DOCK3: variants seen among roughly 807,000 people sequenced by gnomAD.
The protein encoded by DOCK3 is dedicator of cytokinesis protein 3.
Under a neutral mutation model 265.6 loss-of-function variants are expected in DOCK3, and 60 were observed. The observed-to-expected ratio is 0.23, with a 90% CI of 0.18 to 0.28. The LOEUF (loss-of-function observed/expected upper bound fraction) is 0.28. Among genes scored for constraint, DOCK3 ranks in the 10% least tolerant of loss-of-function variants. The pLI is 1.00. For missense variants in DOCK3, 1,981 were observed against 2,594.3 expected, an observed-to-expected ratio of 0.76 and a Z score of 5.14; for synonymous variants, 881 against 938.0, an observed-to-expected ratio of 0.94 and a Z score of 1.11.
chr3:50,741,875 G>C (rs1392831908), intron 1 of DOCK3, among the ~76,000 whole-genome samples: 3 of 152,186 alleles, frequency 2.0e-5, no homozygotes, highest in Non-Finnish European at 4.4e-5. Flanking sequence ...GGTTGAACTA[G>C]TTTACAGTCC....
At chr3:51,195,572 G>A (rs567934425) in intron 12 of DOCK3, among the ~76,000 whole-genome samples, 2 of 151,962 alleles carry the variant, frequency 1.3e-5, no homozygotes, top group Admixed American at 6.5e-5. Flanking sequence ...GTGCCATCAC[G>A]CTCAGCTAAT....
At chr3:51,329,165 G>A (rs1000029817) in intron 32 of DOCK3, among the ~76,000 whole-genome samples, 2 of 151,974 alleles carry the variant, frequency 1.3e-5, no homozygotes, top group African/African-American at 4.8e-5. Context: ...AATAAATAAA[G>A]GTTAATAAAA....
chr3:51,333,367 T>G (rs919667623), intron 35 of DOCK3, 114 bp downstream of exon 35: 1 of 1,029,654 alleles, frequency 9.7e-7, no homozygotes, highest in Non-Finnish European at 1.5e-6. Flanking sequence ...AGGACTGTTG[T>G]GATATTGGGT....
intron 2 of DOCK3, among the ~76,000 whole-genome samples, chr3:50,836,228 T>TG (rs1223200326): frequency 6.6e-6 from 1 of 152,220 alleles, no homozygotes; most frequent in Non-Finnish European, 1.5e-5. Flanking sequence ...GGACTCCATG[T>TG]GGGGGCTCTT....
chr3:50,878,799 G>A (rs1456842145), intron 3 of DOCK3, among the ~76,000 whole-genome samples: 1 of 152,116 alleles, frequency 6.6e-6, no homozygotes, highest in Non-Finnish European at 1.5e-5. Context: ...TACTCCTCGA[G>A]AAGAGCAACT....
intron 12 of DOCK3, among the ~76,000 whole-genome samples, chr3:51,204,078 G>A (rs1328726396): frequency 4.1e-5 from 6 of 147,004 alleles, no homozygotes; most frequent in Non-Finnish European, 6.0e-5. Flanking sequence ...GAAAACCTAG[G>A]CATTACCATT....
chr3:50,783,775 T>C (rs991852459), intron 2 of DOCK3, among the ~76,000 whole-genome samples: 1 of 152,154 alleles, frequency 6.6e-6, no homozygotes, highest in Admixed American at 6.5e-5. Flanking sequence ...AGTCTTTCCC[T>C]AAGCCAGTGT....
chr3:51,233,354 C>CTATT (rs1219559169), intron 19 of DOCK3, among the ~76,000 whole-genome samples: 152 of 113,264 alleles, frequency 1.3e-3, no homozygotes, highest in African/African-American at 5.8e-3. Flanking sequence ...ATCTATCTAT[C>CTATT]TATCTATTTA....
chr3:50,758,083 C>G (rs2040281063), intron 1 of DOCK3, among the ~76,000 whole-genome samples: 1 of 136,094 alleles, frequency 7.3e-6, no homozygotes, highest in Non-Finnish European at 1.5e-5. Flanking sequence ...GAGGCTGAGG[C>G]AGGAGAATGG....
intron 24 of DOCK3, among the ~76,000 whole-genome samples, chr3:51,271,622 T>G (rs994660980): frequency 2.0e-5 from 3 of 151,988 alleles, no homozygotes; most frequent in African/African-American, 7.2e-5. Context: ...AAAGAGGCCC[T>G]ACAGATCACT....
intron 3 of DOCK3, among the ~76,000 whole-genome samples, chr3:50,883,636 CT>C (rs1226413774): frequency 6.6e-6 from 1 of 152,038 alleles, no homozygotes. Flanking sequence ...ATTGACAGTG[CT>C]TTTCTTTCAG....
chr3:51,142,430 T>C (rs1019293157), intron 9 of DOCK3, among the ~76,000 whole-genome samples: 1 of 152,190 alleles, frequency 6.6e-6, no homozygotes, highest in Non-Finnish European at 1.5e-5. Context: ...AGCAACTGAT[T>C]TGATTTCTGT....
intron 2 of DOCK3, among the ~76,000 whole-genome samples, chr3:50,831,739 A>G (rs771252232): frequency 1.3e-5 from 2 of 152,204 alleles, no homozygotes; most frequent in Non-Finnish European, 2.9e-5. Flanking sequence ...CTTTGGGTAT[A>G]TACTCAGTAA....
rs368819970 is a variant in DOCK3 at position 50,925,824 on chromosome 3, CTTTTTTTTTT to C, written c.219-8142_219-8133del. ...TCAGCAGCTACTAGGTAAAACTAGT[CTTTTTTTTTT>C]TTTTTTTTTTTTTTGAGACAGAGTC... On this transcript the variant is annotated intron_variant, in intron 4 of 52. Coordinates refer to ENST00000266037, the MANE Select transcript of DOCK3 (RefSeq NM_004947.5). Among the ~76,000 whole-genome samples, 218 of 88,424 alleles carry C rather than the reference CTTTTTTTTTT, an allele frequency of 2.5e-3. 1 individual carries two copies. Among genetic ancestry groups the C allele is most frequent in the Admixed American group, 5.1e-3 (47 of 9,278 alleles). 58.0% of individuals were successfully genotyped at this position (88,424 alleles called of 152,430 possible).
intron 1 of DOCK3, among the ~76,000 whole-genome samples, chr3:50,694,620 C>T (rs2035487114): frequency 6.6e-6 from 1 of 152,022 alleles, no homozygotes; most frequent in Non-Finnish European, 1.5e-5. Flanking sequence ...ACTAGCCTTG[C>T]CTGCATGGTG....
At chr3:51,181,743 G>T (rs1455900790) in intron 12 of DOCK3, among the ~76,000 whole-genome samples, 1 of 152,148 alleles carries the variant, frequency 6.6e-6, no homozygotes, top group Non-Finnish European at 1.5e-5. Flanking sequence ...CGGGATTGAA[G>T]AGGAACTTCA....
intron 3 of DOCK3, 145 bp from the exon 4 acceptor site, chr3:50,889,881 G>T (rs975537328): frequency 3.6e-6 from 2 of 551,430 alleles, no homozygotes; most frequent in Admixed American, 8.7e-5. Context: ...ACTTTGTACA[G>T]CTCTGCATAC....
intron 9 of DOCK3, among the ~76,000 whole-genome samples, chr3:51,129,603 G>A (rs1206891748): frequency 6.6e-6 from 1 of 152,164 alleles, no homozygotes; most frequent in East Asian, 1.9e-4. Context: ...AGGCCATTGA[G>A]GTCGCATGGT....
At chr3:51,229,048 G>A (rs986521291) in intron 18 of DOCK3, among the ~76,000 whole-genome samples, 1 of 152,232 alleles carries the variant, frequency 6.6e-6, no homozygotes, top group African/African-American at 2.4e-5. Context: ...GTTTACAGAT[G>A]AGTCTTTGGC....
Sources: gnomAD v4.1 joint callset for allele counts (sites outside exome capture counted in the v4.1 genomes callset) on GRCh38, gnomAD v4.1.1 for gene constraint, MANE v1.5 for transcripts, NCBI Gene and HGNC (gene_info 2026-07-23, HGNC 2026-07-21) for gene names.